Variants in INPPL1 observed in about 807,000 individuals in gnomAD.
The protein encoded by INPPL1 is inositol polyphosphate phosphatase like 1.
In INPPL1, 91 loss-of-function variants were observed where a neutral mutation model predicts 139.3. The observed-to-expected ratio is 0.65, with a 90% CI of 0.55 to 0.78. INPPL1 has a LOEUF of 0.78. INPPL1 is among the 30% of genes least tolerant of loss of function. The pLI is 0.00. For missense variants in INPPL1, 1,411 were observed against 1,665.6 expected (o/e 0.85, Z 2.66); for synonymous variants, 719 against 686.6 (o/e 1.05, Z -0.74).
intron 13 of INPPL1, among the ~76,000 whole-genome samples, chr11:72,231,891 G>A (rs969246420): frequency 3.3e-5 from 5 of 152,180 alleles, no homozygotes; most frequent in African/African-American, 1.2e-4. Flanking sequence ...AAGTGGTGGA[G>A]CCAGGCATTG....
In INPPL1 at chr11:72,235,549, TCTG is replaced by T; in HGVS notation, c.2659+100_2659+102del. On this transcript the variant is annotated intron_variant, in intron 23 of 27. Coordinates refer to ENST00000298229, the MANE Select transcript of INPPL1 (RefSeq NM_001567.4). The surrounding 1 kb of genome is among the most constrained non-coding windows in gnomAD (Gnocchi z 4.9). ...TGGAATCTCTGGGATACCTGGAGGTTCTGCAGCCACAGCTGGGAATAGTCCTGC... is the reference window on the plus strand; with the variant it reads ...TGGAATCTCTGGGATACCTGGAGGTTCAGCCACAGCTGGGAATAGTCCTGC... 6.4e-7 allele frequency: 1 copy of T among 1,560,094 alleles called. No individual in the cohort carries two copies. Among genetic ancestry groups the T allele is most frequent in the Non-Finnish European group, 8.7e-7 (1 of 1,144,628 alleles).
intron 15 of INPPL1, 28 bp downstream of exon 15, chr11:72,232,792 A>G (rs752110084): frequency 1.5e-5 from 25 of 1,613,656 alleles, no homozygotes; most frequent in Non-Finnish European, 1.9e-5. Context: ...CCATGGCTGT[A>G]GGGAGGCTAA....
chr11:72,224,014 G>C (rs559722120), upstream of INPPL1: 1 of 152,202 alleles, frequency 6.6e-6, no homozygotes, highest in Admixed American at 6.5e-5. Context: ...TCTACTAGAC[G>C]GGCCAGGGAT....
intron 1 of INPPL1, chr11:72,225,473 A>G: frequency 1.0e-6 from 1 of 985,398 alleles, no homozygotes; most frequent in Non-Finnish European, 1.2e-6. Flanking sequence ...TCCTCCAGGT[A>G]GAAGGGAGCA....
chr11:72,236,008 C>T lies in INPPL1; in HGVS notation c.2879+22C>T, dbSNP rs750539946. The T allele has an allele frequency of 3.9e-5, 55 of 1,417,564 alleles. No individual in the cohort carries two copies. The East Asian group carries it at 1.0e-3, about 26-fold the overall frequency. 87.8% of individuals were successfully genotyped at this position (1,417,564 alleles called of 1,614,324 possible). On this transcript the variant is annotated intron_variant, in intron 25 of 27. Transcript: ENST00000298229. ...CCAGGTGAGAGGAGGAACCTGTCAC[C>T]GCCCCCCCTTCCCCCACCCACCTCT...
chr11:72,229,037 G>T, intron 4 of INPPL1, 53 bp from the exon 5 acceptor site: 1 of 1,563,362 alleles, frequency 6.4e-7, no homozygotes, highest in Non-Finnish European at 8.7e-7. Flanking sequence ...TGGGGCAGAG[G>T]TGCTGGGACA....
rs779479923 is a variant in INPPL1 at position 72,228,706 on chromosome 11, C to T, written c.398-21C>T. Reference sequence around the variant, plus strand: ...TGAGTGTGGGAGGCCCAAACGGCTGCCCACTGACCCCTGCCCACAGATGGG... The same window carrying T: ...TGAGTGTGGGAGGCCCAAACGGCTGTCCACTGACCCCTGCCCACAGATGGG... On this transcript the variant is annotated intron_variant, in intron 3 of 27. Transcript: ENST00000298229. The surrounding 1 kb of genome is among the most constrained non-coding windows in gnomAD (Gnocchi z 5.0). 4 of 1,605,020 alleles carry T rather than the reference C, an allele frequency of 2.5e-6. No homozygotes were observed. In the South Asian group the frequency reaches 4.4e-5, roughly 18 times the overall value.
At chr11:72,232,098 G>C (rs891723617) in intron 13 of INPPL1, 142 bp from the exon 14 acceptor site, 3 of 679,640 alleles carry the variant, frequency 4.4e-6, no homozygotes, top group Non-Finnish European at 7.8e-6. Flanking sequence ...GAAGGTGTGG[G>C]TGTGTGCAGG....
rs566216009 is a variant in INPPL1, at chr11:72,232,160, T to C, written c.1616-80T>C. ...GGGCTCAGCGGGAGGATCCTCTCAC[T>C]GCAGCTTTGAGAGGCAGAAGGGAGA... On this transcript the variant is annotated intron_variant, in intron 13 of 27. Transcript: ENST00000298229. 56 of 1,142,156 alleles carry C rather than the reference T, an allele frequency of 4.9e-5. 1 individual carries two copies. The Admixed American group carries it at 1.1e-3, about 22-fold the overall frequency. 70.8% of individuals were successfully genotyped at this position (1,142,156 alleles called of 1,614,324 possible). A position where few individuals can be genotyped will look rare whatever the true frequency, so the allele number is the denominator to read the frequency against.
chr11:72,238,335 C>A lies in INPPL1; in HGVS notation c.3759C>A (p.Thr1253=), dbSNP rs749811561. 6.4e-7 allele frequency: 1 copy of A among 1,565,384 alleles called. No individual in the cohort carries two copies. The highest frequency in any genetic ancestry group is 2.3e-5 in the East Asian group (1 of 43,982). ...CTCACAAGCGCCTCCTTCTGGACAC[C>A]CTGCAGCTCAGCAAGTGATAGCGGA... The part of the protein sequence containing the change: ...DPAHKRLLLD[T]LQLSK Residue 1253 remains threonine, a synonymous_variant, in exon 28 of 28, where the codon ACC becomes ACA. Transcript: ENST00000298229.
upstream of INPPL1, chr11:72,223,804 G>A (rs889041247): frequency 2.0e-5 from 3 of 150,712 alleles, no homozygotes; most frequent in Non-Finnish European, 4.5e-5. Context: ...GCGGGGCGGG[G>A]TGAGGCGAGG....
chr11:72,238,223 C>T (rs374578203), intron 27 of INPPL1, 40 bp from the exon 28 acceptor site: 1 of 1,613,506 alleles, frequency 6.2e-7, no homozygotes, highest in Non-Finnish European at 8.5e-7. Flanking sequence ...CCTCAGGATC[C>T]CCTTGCCCAT....
intron 1 of INPPL1, among the ~76,000 whole-genome samples, chr11:72,226,060 G>T (rs1948662973): frequency 6.6e-6 from 1 of 151,930 alleles, no homozygotes; most frequent in Non-Finnish European, 1.5e-5. Flanking sequence ...TCTTTATTTA[G>T]ATCTTTCTTA....
In INPPL1 at chr11:72,233,602, G is replaced by A; in HGVS notation, c.2123-53G>A. On this transcript the variant is annotated intron_variant, in intron 18 of 27. Coordinates refer to ENST00000298229, the MANE Select transcript of INPPL1 (RefSeq NM_001567.4). Reference sequence around the variant, plus strand: ...TCTGCCCTAACCTTGGGAGGTGGGAGCCGAGGGTGGGAATATTCCCCCTGA... The same window carrying A: ...TCTGCCCTAACCTTGGGAGGTGGGAACCGAGGGTGGGAATATTCCCCCTGA... The A allele has an allele frequency of 2.5e-6, 4 of 1,605,798 alleles. No homozygotes were observed. In the Admixed American group the frequency reaches 6.7e-5, roughly 27 times the overall value.
Position 72,238,265 on chromosome 11 carries a change from A to G in INPPL1, c.3689A>G (p.Asp1230Gly), listed in dbSNP as rs772342967. 1 of 1,613,158 alleles carries G rather than the reference A, an allele frequency of 6.2e-7. No individual in the cohort carries two copies. The highest frequency in any genetic ancestry group is 1.3e-5 in the African/African-American group (1 of 74,860). ...TCCCAGCCTGTTTTACTCCACAGTG[A>G]CATCACCGAGGAGGACTTGGAGGAG... ...NGWDDLEFLS[D>G]ITEEDLEEAG... Residue 1230 changes from aspartate to glycine, a missense_variant and splice_region_variant, in exon 28 of 28, where the codon GAC becomes GGC. Physicochemically the swap from Asp to Gly is moderately conservative, Grantham distance 94. This residue lies in a region of INPPL1 where 438 missense variants were observed against 425.7 expected (regional missense o/e 1.03). Transcript: ENST00000298229.
chr11:72,238,218 G>T (rs377669300), intron 27 of INPPL1, 43 bp downstream of exon 27: 1 of 1,613,312 alleles, frequency 6.2e-7, no homozygotes, highest in Non-Finnish European at 8.5e-7. Flanking sequence ...GGGGCCCTCA[G>T]GATCCCCTTG....
rs769709433 is a variant in INPPL1, at chr11:72,228,434, C to T, written c.333C>T (p.Cys111=). ...LYAQPNQGLV[C]ALLLPVEGER... ...CCCAGCCCAACCAGGGCCTTGTGTG[C>T]GCCCTGCTTCTTCCTGTAGAGGGTG... Residue 111 remains cysteine, a synonymous_variant, in exon 3 of 28, where the codon TGC becomes TGT. Coordinates refer to ENST00000298229, the MANE Select transcript of INPPL1 (RefSeq NM_001567.4). This position sits in a 1 kb window ranked among gnomAD's most constrained non-coding sequence, Gnocchi z 5.0. The T allele has an allele frequency of 1.7e-5, 27 of 1,612,406 alleles. No homozygotes were observed. The highest frequency in any genetic ancestry group is 1.6e-4 in the East Asian group (7 of 44,884).
chr11:72,237,176 A>G lies in INPPL1; in HGVS notation c.2932A>G (p.Lys978Glu). The part of the protein sequence containing the change: ...EPEGVAAPPP[K>E]NSFNNPAYYV... ...AGAAGGGGTGGCGGCCCCCCCACCCAAGAACAGCTTCAATAACCCTGCCTA... is the reference window on the plus strand; with the variant it reads ...AGAAGGGGTGGCGGCCCCCCCACCCGAGAACAGCTTCAATAACCCTGCCTA... Residue 978 changes from lysine to glutamate, a missense_variant, in exon 26 of 28, where the codon AAG (lysine) becomes GAG (glutamate). Physicochemically the swap from Lys to Glu is moderately conservative, Grantham distance 56. Transcript: ENST00000298229. The G allele has an allele frequency of 1.2e-6, 2 of 1,611,574 alleles. No individual in the cohort carries two copies. The highest frequency in any genetic ancestry group is 1.7e-6 in the Non-Finnish European group (2 of 1,178,140).
In INPPL1 at chr11:72,238,497, A is replaced by C; in HGVS notation, c.*144A>C. 1.6e-6 allele frequency: 1 copy of C among 619,886 alleles called. No homozygotes were observed. Among genetic ancestry groups the C allele is most frequent in the Non-Finnish European group, 2.6e-6 (1 of 381,200 alleles). The allele number at this position is 619,886 out of a possible 1,614,324, so 38.4% of individuals were successfully genotyped here. ...GGGTGCCTATTTATTGGGGATCTGCATTCCCCGCTGCCCAATCATTTGCAA... is the reference window on the plus strand; with the variant it reads ...GGGTGCCTATTTATTGGGGATCTGCCTTCCCCGCTGCCCAATCATTTGCAA... On this transcript the variant is annotated 3_prime_UTR_variant, in exon 28 of 28. Transcript: ENST00000298229.
Sources: gnomAD v4.1 joint callset for allele counts (sites outside exome capture counted in the v4.1 genomes callset) on GRCh38, gnomAD v4.1.1 for gene constraint, gnomAD v4.1.1 regional missense constraint, Gnocchi (gnomAD v3.1) non-coding constraint, MANE v1.5 for transcripts, NCBI Gene and HGNC (gene_info 2026-07-23, HGNC 2026-07-21) for gene names.